THTPA: variants seen among roughly 807,000 people sequenced by gnomAD.
The protein encoded by THTPA is thiamine-triphosphatase.
Under a neutral mutation model 16.5 loss-of-function variants are expected in THTPA, and 16 were observed. The observed-to-expected ratio is 0.97, with a 90% CI of 0.66 to 1.47. The LOEUF (loss-of-function observed/expected upper bound fraction) is 1.47. THTPA is among the 40% of genes most tolerant of loss of function. THTPA has a pLI of 0.00. For synonymous variants in THTPA, 110 were observed against 115.5 expected, an observed-to-expected ratio of 0.95 and a Z score of 0.30; for missense variants, 281 against 280.9, an observed-to-expected ratio of 1.00 and a Z score of 0.00.
chr14:23,541,688 G>T, the THTPA span, among the ~76,000 whole-genome samples: 54,171 of 151,922 alleles, frequency 0.36, 10,866 homozygotes, highest in African/African-American at 0.54. Flanking sequence ...AGTAGAAATT[G>T]TGCCCAGGCT....
chr14:23,525,917 G>T, the THTPA span: 3 of 1,473,066 alleles, frequency 2.0e-6, no homozygotes, highest in Non-Finnish European at 2.7e-6. The surrounding 1 kb of genome is among the most constrained non-coding windows in gnomAD (Gnocchi z 5.9). Context: ...CAGGACTGGT[G>T]GGGTGAAGAG....
chr14:23,523,065 C>T, the THTPA span: 2 of 1,403,918 alleles, frequency 1.4e-6, no homozygotes, highest in East Asian at 2.6e-5. The surrounding 1 kb of genome is among the most constrained non-coding windows in gnomAD (Gnocchi z 4.1). Context: ...CCTTCCCTCC[C>T]TTCTTTCCCC....
chr14:23,559,259 G>T lies in THTPA; in HGVS notation c.*419G>T. ...AGGCAGCAGGGATTTCCCTGCCTTG[G>T]GATGTGGGAAACAGAAGAAAAGTTG... On this transcript the variant is annotated 3_prime_UTR_variant, in exon 2 of 2. Transcript: ENST00000288014. The T allele has an allele frequency of 8.9e-6, 2 of 224,878 alleles. No individual in the cohort carries two copies. The highest frequency in any genetic ancestry group is 6.6e-5 in the South Asian group (1 of 15,230). 13.9% of individuals were successfully genotyped at this position (224,878 alleles called of 1,614,324 possible). A position where few individuals can be genotyped will look rare whatever the true frequency, so the allele number is the denominator to read the frequency against.
rs1263096526 is a variant in THTPA at position 23,556,789 on chromosome 14, A to G, written c.32A>G (p.Lys11Arg). MAQGLIEVER[K>R]FLPGPGTEER... ...CAGGGCTTGATTGAGGTGGAGCGAA[A>G]GTTCCTTCCAGGGCCTGGCACAGAG... is the stretch of plus-strand genomic sequence containing the variant. The change falls in exon 1 of 2, where the codon AAG (lysine) becomes AGG (arginine). Residue 11 changes from lysine (K) to arginine (R), a missense_variant. By Grantham distance (26) the Lys-to-Arg change is conservative. Transcript: ENST00000288014. 6.2e-7 allele frequency: 1 copy of G among 1,613,674 alleles called. No individual in the cohort carries two copies. Among genetic ancestry groups the G allele is most frequent in the South Asian group, 1.1e-5 (1 of 90,972 alleles).
At chr14:23,525,949 G>A in the THTPA span, 2 of 1,496,572 alleles carry the variant, frequency 1.3e-6, no homozygotes, top group East Asian at 4.9e-5. The surrounding 1 kb of genome is among the most constrained non-coding windows in gnomAD (Gnocchi z 5.9). Flanking sequence ...ATCGGTGCAG[G>A]TCCAAGGGAG....
chr14:23,521,200 G>A, the THTPA span: 1 of 152,552 alleles, frequency 6.6e-6, no homozygotes, highest in East Asian at 1.9e-4. Context: ...GTTTCTGGTG[G>A]CGGCATCCCC....
intron 1 of THTPA, among the ~76,000 whole-genome samples, chr14:23,557,712 C>A (rs988969524): frequency 1.3e-5 from 2 of 152,198 alleles, no homozygotes; most frequent in African/African-American, 4.8e-5. Flanking sequence ...CCTTCAGTTT[C>A]ATTTCTCAGT....
the THTPA span, chr14:23,520,927 T>G: frequency 1.3e-5 from 2 of 151,904 alleles, no homozygotes; most frequent in Admixed American, 6.5e-5. The surrounding 1 kb of genome is among the most constrained non-coding windows in gnomAD (Gnocchi z 8.7). Flanking sequence ...AGTTCATTCC[T>G]CTGGTGTCCG....
At chr14:23,530,907 T>G in the THTPA span, 1 of 217,808 alleles carries the variant, frequency 4.6e-6, no homozygotes, top group South Asian at 6.8e-5. Flanking sequence ...TTGCAGGCTC[T>G]TCTCCTGTAC....
At chr14:23,522,204 A>G in the THTPA span, 2 of 1,482,736 alleles carry the variant, frequency 1.3e-6, no homozygotes, top group African/African-American at 2.8e-5. Flanking sequence ...TGGTAGGTGC[A>G]GATGGGCACC....
chr14:23,559,612 G>T lies in THTPA; in HGVS notation c.*772G>T. 2 of 702,884 alleles carry T rather than the reference G, an allele frequency of 2.8e-6. No homozygotes were observed. Among genetic ancestry groups the T allele is most frequent in the African/African-American group, 1.8e-5 (1 of 56,102 alleles). 43.5% of individuals were successfully genotyped at this position (702,884 alleles called of 1,614,324 possible). On this transcript the variant is annotated 3_prime_UTR_variant, in exon 2 of 2. Transcript: ENST00000288014. ...GCTTTATTGGGCTTTATTTGTGGGA[G>T]AAGGGGGCTGGTCCCCAGTTTTTGC...
At chr14:23,525,822 C>A in the THTPA span, 1 of 1,460,136 alleles carries the variant, frequency 6.8e-7, no homozygotes, top group Non-Finnish European at 9.0e-7. This position sits in a 1 kb window ranked among gnomAD's most constrained non-coding sequence, Gnocchi z 5.9. Context: ...TTGGGCCCCA[C>A]CTTGAGATCG....
At chr14:23,522,761 TC>T in the THTPA span, 1 of 1,536,324 alleles carries the variant, frequency 6.5e-7, no homozygotes, top group Non-Finnish European at 8.7e-7. Context: ...GGAGACCTTG[TC>T]CCCCAAGGGC....
chr14:23,545,818 C>A, the THTPA span, among the ~76,000 whole-genome samples: 1 of 152,160 alleles, frequency 6.6e-6, no homozygotes, highest in Non-Finnish European at 1.5e-5. Flanking sequence ...ATAAAGAAGA[C>A]AGAGGCTTGA....
chr14:23,520,401 G>A, the THTPA span, among the ~76,000 whole-genome samples: 29 of 151,284 alleles, frequency 1.9e-4, no homozygotes, highest in African/African-American at 6.5e-4. This position sits in a 1 kb window ranked among gnomAD's most constrained non-coding sequence, Gnocchi z 8.7. Flanking sequence ...CTCCAGGGGG[G>A]CAGCAGGGTT....
At position 23,559,826 on chromosome 14, in the gene THTPA, G is replaced by T. The variant is rs759113003; in HGVS notation, c.*986G>T. On this transcript the variant is annotated 3_prime_UTR_variant, in exon 2 of 2. Transcript: ENST00000288014. Reference sequence around the variant, plus strand: ...GACTGGTGAAAGTGGTCGTAGGTGAGGCGCAGCTTTAGCCGCAGGGGGGCC... The same window carrying T: ...GACTGGTGAAAGTGGTCGTAGGTGATGCGCAGCTTTAGCCGCAGGGGGGCC... The T allele has an allele frequency of 6.2e-7, 1 of 1,614,154 alleles. No homozygotes were observed. Among genetic ancestry groups the T allele is most frequent in the South Asian group, 1.1e-5 (1 of 91,080 alleles).
chr14:23,526,686 G>C, the THTPA span: 4 of 1,535,950 alleles, frequency 2.6e-6, no homozygotes, highest in South Asian at 1.2e-5. Context: ...CCTTCTAGGG[G>C]AGAGAGAAGA....
At chr14:23,534,735 C>T in the THTPA span, 59 of 1,535,986 alleles carry the variant, frequency 3.8e-5, no homozygotes, top group Non-Finnish European at 4.5e-5. This position sits in a 1 kb window ranked among gnomAD's most constrained non-coding sequence, Gnocchi z 4.5. Flanking sequence ...CACAGGCAGC[C>T]GGAGATGGTG....
the THTPA span, among the ~76,000 whole-genome samples, chr14:23,547,273 G>A: frequency 6.6e-6 from 1 of 152,196 alleles, no homozygotes; most frequent in African/African-American, 2.4e-5. Flanking sequence ...TGCCTTCGTT[G>A]TATTAATAAT....
Sources: allele counts gnomAD v4.1 joint callset (sites outside exome capture counted in the v4.1 genomes callset), GRCh38; gene constraint gnomAD v4.1.1; non-coding constraint Gnocchi (gnomAD v3.1); transcripts MANE v1.5; gene names NCBI Gene and HGNC (gene_info 2026-07-23, HGNC 2026-07-21).